Variants in SPATA16 observed in about 807,000 individuals in gnomAD.
SPATA16 encodes spermatogenesis associated 16.
SPATA16 carries 36 observed loss-of-function variants against 63.3 expected under a neutral mutation model. The ratio of observed to expected loss-of-function variants is 0.57; its 90% CI spans 0.44 to 0.75. The LOEUF (loss-of-function observed/expected upper bound fraction) is 0.75. Among genes scored for constraint, SPATA16 ranks in the 30% least tolerant of loss-of-function variants. The pLI is 0.00. For missense variants in SPATA16, 646 were observed against 679.3 expected (o/e 0.95, Z 0.54); for synonymous variants, 203 against 216.7 (o/e 0.94, Z 0.56).
At chr3:172,981,626 G>A (rs894771308) in intron 4 of SPATA16, among the ~76,000 whole-genome samples, 4 of 152,180 alleles carry the variant, frequency 2.6e-5, no homozygotes, top group Non-Finnish European at 5.9e-5. Flanking sequence ...GTCTTTGTAT[G>A]TGTCATTTTC....
chr3:172,925,224 G>A, intron 7 of SPATA16, 122 bp downstream of exon 7: 1 of 1,078,058 alleles, frequency 9.3e-7, no homozygotes, highest in South Asian at 1.4e-5. Flanking sequence ...CAGAATTCCA[G>A]GTATTGTTAA....
In SPATA16 at chr3:173,094,441, T is replaced by G. The variant is rs1737300269; in HGVS notation, c.612+22679A>C. ...GTTGTGAAGATTCAGTAAATGACCA[T>G]AAAGGATAGATATATATTTCCCAGC... On this transcript the variant is annotated intron_variant, in intron 2 of 10. Transcript: ENST00000351008. Among the ~76,000 whole-genome samples the G allele has an allele frequency of 4.6e-5, 7 of 152,256 alleles. No individual in the cohort carries two copies. The South Asian group carries it at 1.4e-3, about 32-fold the overall frequency.
intron 6 of SPATA16, among the ~76,000 whole-genome samples, chr3:172,950,795 T>A (rs1733411843): frequency 6.6e-6 from 1 of 152,126 alleles, no homozygotes; most frequent in Non-Finnish European, 1.5e-5. Context: ...TTAAATTGCA[T>A]TGGAAAGACA....
At chr3:173,090,375 C>T (rs1305170372) in intron 2 of SPATA16, among the ~76,000 whole-genome samples, 3 of 152,154 alleles carry the variant, frequency 2.0e-5, no homozygotes, top group Non-Finnish European at 4.4e-5. Context: ...GCTTCCTGTA[C>T]AGCCTGCAGA....
intron 4 of SPATA16, among the ~76,000 whole-genome samples, chr3:172,987,100 T>C: frequency 6.6e-6 from 1 of 152,196 alleles, no homozygotes. Flanking sequence ...ATTAATCTTT[T>C]GAGGAAAGGA....
chr3:173,134,120 A>G (rs536669978), intron 1 of SPATA16, among the ~76,000 whole-genome samples: 95 of 152,352 alleles, frequency 6.2e-4, no homozygotes, highest in South Asian at 1.0e-3. Flanking sequence ...ATGCAAGGAT[A>G]AATTACACCA....
chr3:172,947,583 T>C (rs1288632174), intron 6 of SPATA16, among the ~76,000 whole-genome samples: 1 of 151,962 alleles, frequency 6.6e-6, no homozygotes, highest in African/African-American at 2.4e-5. Flanking sequence ...TGATTAGAAG[T>C]GGAATACTAT....
intron 2 of SPATA16, among the ~76,000 whole-genome samples, chr3:173,077,682 T>C (rs1464594011): frequency 1.3e-5 from 2 of 152,208 alleles, no homozygotes; most frequent in Non-Finnish European, 2.9e-5. Context: ...AGAGAACGAT[T>C]ACTTTCTCTC....
intron 2 of SPATA16, among the ~76,000 whole-genome samples, chr3:173,083,229 G>A (rs918278365): frequency 2.6e-5 from 4 of 151,744 alleles, no homozygotes; most frequent in African/African-American, 9.7e-5. Context: ...ATAGAAAGAA[G>A]GGAAGATTTT....
chr3:173,085,886 GCT>G (rs1477025839), intron 2 of SPATA16, among the ~76,000 whole-genome samples: 10 of 152,286 alleles, frequency 6.6e-5, no homozygotes, highest in Middle Eastern at 6.8e-3. Flanking sequence ...TGGTAAATAA[GCT>G]TTTTGATGTG....
At chr3:173,124,508 T>C (rs1738174554) in intron 1 of SPATA16, among the ~76,000 whole-genome samples, 1 of 152,222 alleles carries the variant, frequency 6.6e-6, no homozygotes, top group Admixed American at 6.5e-5. Flanking sequence ...TCAATGACTT[T>C]GCTGCTGCAA....
chr3:173,030,692 A>G (rs1735584633), intron 3 of SPATA16, among the ~76,000 whole-genome samples: 1 of 152,114 alleles, frequency 6.6e-6, no homozygotes, highest in South Asian at 2.1e-4. Flanking sequence ...GTTAAAAAAT[A>G]TAATTACTAC....
chr3:173,108,155 G>A lies in SPATA16; in HGVS notation c.612+8965C>T, dbSNP rs144458101. ...TATGGATTAATTGTTCATTTTTTTCGGTGAAGTTTTCACTTGTGGGATGAA... is the reference window on the plus strand; with the variant it reads ...TATGGATTAATTGTTCATTTTTTTCAGTGAAGTTTTCACTTGTGGGATGAA... On this transcript the variant is annotated intron_variant, in intron 2 of 10. Transcript: ENST00000351008. Among the ~76,000 whole-genome samples the A allele has an allele frequency of 4.1e-3, 627 of 151,910 alleles. 4 individuals carry two copies. The highest frequency in any genetic ancestry group is 0.014 in the African/African-American group (584 of 41,444).
chr3:173,048,905 A>G, intron 3 of SPATA16, 44 bp downstream of exon 3: 7 of 1,611,096 alleles, frequency 4.3e-6, no homozygotes, highest in Non-Finnish European at 5.9e-6. Context: ...ACCCTCCACT[A>G]GCATGAACAG....
At chr3:172,951,612 G>A (rs1201311886) in intron 6 of SPATA16, among the ~76,000 whole-genome samples, 1 of 152,144 alleles carries the variant, frequency 6.6e-6, no homozygotes, top group Admixed American at 6.5e-5. Flanking sequence ...TGAATTGGGG[G>A]CTGGCTGGAG....
rs372977268 is a variant in SPATA16 at position 172,955,607 on chromosome 3, A to G, written c.1081+1070T>C. ...AGGGATTTACTATTCTGTTATCACTAGTGGGATTTATTTGATATCTTTCCC... is the reference window on the plus strand; with the variant it reads ...AGGGATTTACTATTCTGTTATCACTGGTGGGATTTATTTGATATCTTTCCC... On this transcript the variant is annotated intron_variant, in intron 6 of 10. Coordinates refer to ENST00000351008, the MANE Select transcript of SPATA16 (RefSeq NM_031955.6). Among the ~76,000 whole-genome samples the G allele has an allele frequency of 1.7e-4, 26 of 152,146 alleles. 1 individual carries two copies. The East Asian group carries it at 2.1e-3, about 12-fold the overall frequency.
At chr3:173,057,820 A>C (rs529610461) in intron 2 of SPATA16, among the ~76,000 whole-genome samples, 43 of 152,286 alleles carry the variant, frequency 2.8e-4, no homozygotes, top group African/African-American at 9.6e-4. Context: ...ATAATAAACA[A>C]ATAGAATTTG....
intron 2 of SPATA16, among the ~76,000 whole-genome samples, chr3:173,094,956 T>C (rs1037188577): frequency 6.6e-6 from 1 of 152,196 alleles, no homozygotes; most frequent in Non-Finnish European, 1.5e-5. Context: ...GATTATAAAA[T>C]ATTTTGAATA....
At chr3:172,947,701 T>A (rs1300734263) in intron 6 of SPATA16, among the ~76,000 whole-genome samples, 2 of 152,070 alleles carry the variant, frequency 1.3e-5, no homozygotes, top group Admixed American at 6.6e-5. Flanking sequence ...CACCGCACGT[T>A]CTCACATATA....
Sources: allele counts gnomAD v4.1 joint callset (sites outside exome capture counted in the v4.1 genomes callset), GRCh38; gene constraint gnomAD v4.1.1; transcripts MANE v1.5; gene names NCBI Gene and HGNC (gene_info 2026-07-23, HGNC 2026-07-21).